ERBB3: variants seen among roughly 807,000 people sequenced by gnomAD.
ERBB3 encodes erb-b2 receptor tyrosine kinase 3.
In ERBB3, 96 loss-of-function variants were observed where a neutral mutation model predicts 156.7. The ratio of observed to expected loss-of-function variants is 0.61; its 90% CI spans 0.52 to 0.73. ERBB3 has a LOEUF of 0.73. Ranked by LOEUF, ERBB3 falls within the 30% of genes least tolerant of loss-of-function variation. The pLI is 0.00. For synonymous variants in ERBB3, 567 were observed against 632.0 expected (o/e 0.90, Z 1.54); for missense variants, 1,406 against 1,709.4 (o/e 0.82, Z 3.13).
intron 9 of ERBB3, among the ~76,000 whole-genome samples, chr12:56,091,332 TA>T (rs1202385928): frequency 0.079 from 13 of 164 alleles, no homozygotes; most frequent in South Asian, 0.5. Context: ...TATATATAAA[TA>T]ATATATATAA....
rs745561248 is a variant in ERBB3 at position 56,088,737 on chromosome 12, T to G, written c.989-11T>G. On this transcript the variant is annotated splice_polypyrimidine_tract_variant and intron_variant, in intron 8 of 27. Transcript: ENST00000267101. ...CAGACCACCCCCACTGAACCTCTCTTACATTTGCAGCCTGTGAGGGAACAG... is the reference window on the plus strand; with the variant it reads ...CAGACCACCCCCACTGAACCTCTCTGACATTTGCAGCCTGTGAGGGAACAG... 1 of 1,614,098 alleles carries G rather than the reference T, an allele frequency of 6.2e-7. No individual in the cohort carries two copies. The highest frequency in any genetic ancestry group is 1.1e-5 in the South Asian group (1 of 91,066).
rs769586905 is a variant in ERBB3, at chr12:56,097,191, G to T, written c.2421G>T (p.Gly807=). The change falls in exon 20 of 28, where the codon GGG becomes GGT. Residue 807 remains glycine, a synonymous_variant. Transcript: ENST00000267101. The part of the protein sequence containing the change: ...DHVRQHRGAL[G]PQLLLNWGVQ... ...TGAGACAACACCGGGGGGCACTGGG[G>T]CCACAGCTGCTGCTCAACTGGGGAG... 1 of 1,614,174 alleles carries T rather than the reference G, an allele frequency of 6.2e-7. No homozygotes were observed. Among genetic ancestry groups the T allele is most frequent in the Admixed American group, 1.7e-5 (1 of 60,016 alleles).
chr12:56,097,240 G>T lies in ERBB3; in HGVS notation c.2460+10G>T, dbSNP rs1471623222. 3 of 1,613,186 alleles carry T rather than the reference G, an allele frequency of 1.9e-6. No individual in the cohort carries two copies. The highest frequency in any genetic ancestry group is 2.5e-6 in the Non-Finnish European group (3 of 1,179,298). Reference sequence around the variant, plus strand: ...AGTACAAATTGCCAAGGTGAGAGAAGCCTGGAGGAATTCTGTGATAAGAAC... The same window carrying T: ...AGTACAAATTGCCAAGGTGAGAGAATCCTGGAGGAATTCTGTGATAAGAAC... On this transcript the variant is annotated intron_variant, in intron 20 of 27. Coordinates refer to ENST00000267101, the MANE Select transcript of ERBB3 (RefSeq NM_001982.4).
At chr12:56,086,022 T>C (rs1868473495) in intron 3 of ERBB3, among the ~76,000 whole-genome samples, 1 of 135,136 alleles carries the variant, frequency 7.4e-6, no homozygotes, top group African/African-American at 2.9e-5. Context: ...TGAGCCAAGA[T>C]TGCACCACTG....
rs1452385446 is a variant in ERBB3, at chr12:56,092,305, C to CT, written c.1110-440dup. On this transcript the variant is annotated intron_variant, in intron 9 of 27. Transcript: ENST00000267101. ...TTAGGAAGCTGAGGCAGGAGAATCA[C>CT]TTGAACCCAGGAGGTGGAGGTTGCA... Among the ~76,000 whole-genome samples, 5 of 139,158 alleles carry CT rather than the reference C, an allele frequency of 3.6e-5. No individual in the cohort carries two copies. In the East Asian group the frequency reaches 1.1e-3, roughly 31 times the overall value. The allele number at this position is 139,158 out of a possible 152,430, so 91.3% of individuals were successfully genotyped here.
chr12:56,094,613 T>C (rs911146634), intron 15 of ERBB3, 57 bp downstream of exon 15: 6 of 1,577,184 alleles, frequency 3.8e-6, no homozygotes, highest in Non-Finnish European at 5.2e-6. Context: ...AGCACAGAAC[T>C]AGAGTGAGGG....
chr12:56,095,123 T>C (rs1868848283), intron 15 of ERBB3, 134 bp from the exon 16 acceptor site: 3 of 731,852 alleles, frequency 4.1e-6, no homozygotes, highest in Middle Eastern at 2.5e-4. Context: ...GTGGAGGCCA[T>C]GTCTTGGGAT....
chr12:56,085,516 G>A (rs879681197), intron 3 of ERBB3: 16 of 1,152,058 alleles, frequency 1.4e-5, no homozygotes, highest in South Asian at 3.1e-5. Flanking sequence ...AGGCCAAGGA[G>A]GGCAGATCAC....
At chr12:56,093,294 G>C (rs1294276695) in intron 11 of ERBB3, 51 bp from the exon 12 acceptor site, 1 of 1,505,434 alleles carries the variant, frequency 6.6e-7, no homozygotes, top group Non-Finnish European at 9.2e-7. Flanking sequence ...CCTTTGAATA[G>C]TTAATGTTCC....
chr12:56,102,825 A>AAC lies in ERBB3; in HGVS notation c.*771_*772insCA, dbSNP rs1869164412. The AAC allele has an allele frequency of 1.4e-5, 3 of 214,832 alleles. No homozygotes were observed. Among genetic ancestry groups the AAC allele is most frequent in the Non-Finnish European group, 1.9e-5 (2 of 107,022 alleles). The allele number at this position is 214,832 out of a possible 1,614,324, so 13.3% of individuals were successfully genotyped here. ...TCTCTTTAAAAAAAAAAAAAAAAAA[A>AAC]AAAAAAAAACTTTAGAACTGGGTGC... is the stretch of plus-strand genomic sequence containing the variant. On this transcript the variant is annotated 3_prime_UTR_variant, in exon 28 of 28. Transcript: ENST00000267101.
chr12:56,102,056 C>T lies in ERBB3; in HGVS notation c.*1C>T. The T allele has an allele frequency of 1.9e-6, 3 of 1,606,224 alleles. No individual in the cohort carries two copies. Among genetic ancestry groups the T allele is most frequent in the African/African-American group, 1.3e-5 (1 of 74,942 alleles). Reference sequence around the variant, plus strand: ...CAAGGCTAATGCCCAGAGAACGTAACTCCTGCTCCCTGTGGCACTCAGGGA... The same window carrying T: ...CAAGGCTAATGCCCAGAGAACGTAATTCCTGCTCCCTGTGGCACTCAGGGA... On this transcript the variant is annotated 3_prime_UTR_variant, in exon 28 of 28. Transcript: ENST00000267101.
chr12:56,096,018 A>G, intron 17 of ERBB3: 1 of 619,482 alleles, frequency 1.6e-6, no homozygotes, highest in Non-Finnish European at 2.8e-6. Flanking sequence ...AATGGGAGGC[A>G]TGCATTCTAG....
intron 9 of ERBB3, among the ~76,000 whole-genome samples, chr12:56,091,330 A>ATATATATTTATATGTTTATATTT: frequency 2.4e-4 from 1 of 4,190 alleles, no homozygotes; most frequent in South Asian, 8.8e-3. Flanking sequence ...TATATATATA[A>ATATATATTTATATGTTTATATTT]ATAATATATA....
rs988579892 is a variant in ERBB3, at chr12:56,093,236, C to G, written c.1275-109C>G. On this transcript the variant is annotated intron_variant, in intron 11 of 27. Transcript: ENST00000267101. ...AAAGGCAAAAGGAGGGGGATTCCCT[C>G]TCAGTGGATCTGACTAGCACTGAGC... is the stretch of plus-strand genomic sequence containing the variant. The G allele has an allele frequency of 1.6e-5, 19 of 1,199,124 alleles. 1 individual carries two copies. The highest frequency in any genetic ancestry group is 2.1e-5 in the Non-Finnish European group (17 of 807,392). 74.3% of individuals were successfully genotyped at this position (1,199,124 alleles called of 1,614,324 possible).
At chr12:56,098,945 CTTTTTTTT>C in intron 23 of ERBB3, 40 bp downstream of exon 23, 2 of 1,411,794 alleles carry the variant, frequency 1.4e-6, no homozygotes, top group African/African-American at 2.9e-5. Flanking sequence ...CTCTTTTTTT[CTTTTTTTT>C]TCTTTTTTTT....
chr12:56,095,316 AT>A lies in ERBB3; in HGVS notation c.1913+7del. On this transcript the variant is annotated splice_region_variant and intron_variant, in intron 16 of 27. Coordinates refer to ENST00000267101, the MANE Select transcript of ERBB3 (RefSeq NM_001982.4). The stretch of plus-strand genomic sequence containing the variant: ...CAAACACTGGTGCTGATCGGGTATG[AT>A]GGGGTTGGAGATTCTGGAAACTGGG... The A allele has an allele frequency of 6.2e-7, 1 of 1,612,318 alleles. No homozygotes were observed. Among genetic ancestry groups the A allele is most frequent in the African/African-American group, 1.3e-5 (1 of 74,974 alleles).
chr12:56,092,984 A>G lies in ERBB3; in HGVS notation c.1184-2A>G. 1 of 1,613,348 alleles carries G rather than the reference A, an allele frequency of 6.2e-7. No individual in the cohort carries two copies. The highest frequency in any genetic ancestry group is 1.1e-5 in the South Asian group (1 of 91,072). On this transcript the variant is annotated splice_acceptor_variant, in intron 10 of 27. Coordinates refer to ENST00000267101, the MANE Select transcript of ERBB3 (RefSeq NM_001982.4). LOFTEE classifies it high-confidence loss of function. ...CCCATATGCCTCTCTCCAACCCCTCAGGTTACCTGAACATCCAGTCCTGGC... is the reference window on the plus strand; with the variant it reads ...CCCATATGCCTCTCTCCAACCCCTCGGGTTACCTGAACATCCAGTCCTGGC...
rs767345764 is a variant in ERBB3, at chr12:56,101,324, T to C, written c.3465T>C (p.Asp1155=). Reference sequence around the variant, plus strand: ...CCCCACCCGGGTTAGAGGAAGAGGATGTCAACGGTTATGTCATGCCAGATA... The same window carrying C: ...CCCCACCCGGGTTAGAGGAAGAGGACGTCAACGGTTATGTCATGCCAGATA... The part of the protein sequence containing the change: ...PLSPPGLEEE[D]VNGYVMPDTH... The change falls in exon 27 of 28, where the codon GAT becomes GAC. Residue 1155 remains aspartate, a synonymous_variant. Transcript: ENST00000267101. 2 of 1,614,208 alleles carry C rather than the reference T, an allele frequency of 1.2e-6. No homozygotes were observed. The highest frequency in any genetic ancestry group is 1.7e-6 in the Non-Finnish European group (2 of 1,180,028).
Position 56,099,638 on chromosome 12 carries a change from T to A in ERBB3, c.2840-10T>A. ...CTTTTATGTCTCTACCTCCTACATC[T>A]TATCTCCAGGTTGGATGATTGATGA... On this transcript the variant is annotated splice_polypyrimidine_tract_variant and intron_variant, in intron 23 of 27. Transcript: ENST00000267101. 6.8e-6 allele frequency: 11 copies of A among 1,611,044 alleles called. No homozygotes were observed. Among genetic ancestry groups the A allele is most frequent in the Non-Finnish European group, 9.3e-6 (11 of 1,177,472 alleles).
Sources: allele counts gnomAD v4.1 joint callset (sites outside exome capture counted in the v4.1 genomes callset), GRCh38; gene constraint gnomAD v4.1.1; transcripts MANE v1.5; gene names NCBI Gene and HGNC (gene_info 2026-07-23, HGNC 2026-07-21).